Variants in PDXDC1 observed in about 807,000 individuals in gnomAD.
PDXDC1 encodes the protein pyridoxal dependent decarboxylase domain containing 1, also known as pyridoxal-dependent decarboxylase domain-containing protein 1.
In PDXDC1, 42 loss-of-function variants were observed where a neutral mutation model predicts 100.1. The ratio of observed to expected loss-of-function variants is 0.42; its 90% CI spans 0.33 to 0.54. The LOEUF (loss-of-function observed/expected upper bound fraction) is 0.54, where lower values mean the gene tolerates loss of function less well. Ranked by LOEUF, PDXDC1 falls within the 20% of genes least tolerant of loss-of-function variation. The pLI is 0.10. For synonymous variants in PDXDC1, 260 were observed against 371.7 expected, an observed-to-expected ratio of 0.70 and a Z score of 3.46; for missense variants, 636 against 979.2, an observed-to-expected ratio of 0.65 and a Z score of 4.68.
intron 16 of PDXDC1, among the ~76,000 whole-genome samples, chr16:15,078,433 C>T (rs2045555782): frequency 6.6e-6 from 1 of 152,092 alleles, no homozygotes. Context: ...CCACCATCCA[C>T]ATCCTCTCCC....
chr16:15,053,427 G>A (rs192813559), intron 16 of PDXDC1, among the ~76,000 whole-genome samples: 10 of 152,208 alleles, frequency 6.6e-5, no homozygotes, highest in Admixed American at 5.2e-4. Flanking sequence ...AGAACACATC[G>A]TTACATGAAA....
intron 16 of PDXDC1, among the ~76,000 whole-genome samples, chr16:15,089,686 G>C (rs1399416179): frequency 6.8e-6 from 1 of 147,780 alleles, no homozygotes; most frequent in African/African-American, 2.5e-5. Context: ...TGTAGTCTCA[G>C]CTACTTGGGA....
At chr16:15,047,854 C>G (rs2044138333) in intron 16 of PDXDC1, 1 of 1,609,384 alleles carries the variant, frequency 6.2e-7, no homozygotes, top group Non-Finnish European at 8.5e-7. Flanking sequence ...TCTCATCATA[C>G]CTGTGTGCCT....
Position 15,036,316 on chromosome 16 carries a change from AG to A in PDXDC1, c.*44del. On this transcript the variant is annotated 3_prime_UTR_variant, in exon 23 of 23. Transcript: ENST00000396410. The stretch of plus-strand genomic sequence containing the variant: ...TTGAGACTGTACTGAGTATTGTTTC[AG>A]GGAAGATGAAGTTCTATTGGAAATG... 1 of 1,538,724 alleles carries A rather than the reference AG, an allele frequency of 6.5e-7. No homozygotes were observed. The highest frequency in any genetic ancestry group is 8.9e-7 in the Non-Finnish European group (1 of 1,128,396).
chr16:15,098,078 G>A (rs995892534), intron 16 of PDXDC1, among the ~76,000 whole-genome samples: 1 of 150,264 alleles, frequency 6.7e-6, no homozygotes, highest in African/African-American at 2.5e-5. Flanking sequence ...CGACCAGCCT[G>A]AATATTCTTG....
rs1301849979 is a variant in PDXDC1 at position 15,005,597 on chromosome 16, C to T, written c.390-797C>T. Among the ~76,000 whole-genome samples, 3 of 152,416 alleles carry T rather than the reference C, an allele frequency of 2.0e-5. No individual in the cohort carries two copies. In the East Asian group the frequency reaches 5.8e-4, roughly 29 times the overall value. ...CCAACTTTATTAAAGGAGCAGTGTTCTGTTGTTCTAGTAAAAATCTACTGC... is the reference window on the plus strand; with the variant it reads ...CCAACTTTATTAAAGGAGCAGTGTTTTGTTGTTCTAGTAAAAATCTACTGC... On this transcript the variant is annotated intron_variant, in intron 5 of 22. Transcript: ENST00000396410.
chr16:15,130,898 A>G (rs1255092625), intron 16 of PDXDC1: 10 of 720,268 alleles, frequency 1.4e-5, no homozygotes, highest in Admixed American at 2.2e-5. Context: ...CTGAAAGGCC[A>G]TAGGAGCCTC....
In PDXDC1 at chr16:15,031,784, A is replaced by G; in HGVS notation, c.1449A>G (p.Glu483=). 1 of 1,613,886 alleles carries G rather than the reference A, an allele frequency of 6.2e-7. No homozygotes were observed. Among genetic ancestry groups the G allele is most frequent in the Non-Finnish European group, 8.5e-7 (1 of 1,179,884 alleles). ...EDVDQLVACI[E]SKLPVLCCTL... ...TGGATCAGCTCGTAGCCTGCATAGA[A>G]AGCAAACTGCCAGTGCTGTGCTGTA... The change falls in exon 17 of 23, where the codon GAA becomes GAG. Residue 483 remains glutamate, a synonymous_variant. Coordinates refer to ENST00000396410, the MANE Select transcript of PDXDC1 (RefSeq NM_015027.4).
In PDXDC1 at chr16:15,083,411, G is replaced by A. The variant is rs184270999; in HGVS notation, c.1399+53355G>A. On this transcript the variant is annotated intron_variant, in intron 16 of 16. Coordinates refer to the PDXDC1 transcript ENST00000535621. ...GAGACTCGGTCTCAAAAAAGAAAAA[G>A]AAAAAGAAAGACTGGAAAAGAAAGA... 9.9e-4 allele frequency: 1,510 copies of A among 1,530,670 alleles called. 14 individuals are homozygous for A. In the African/African-American group the frequency reaches 0.018, roughly 18 times the overall value. 94.8% of individuals were successfully genotyped at this position (1,530,670 alleles called of 1,614,324 possible).
chr16:15,128,305 T>A (rs770620500), intron 16 of PDXDC1: 4 of 1,610,156 alleles, frequency 2.5e-6, no homozygotes, highest in Non-Finnish European at 3.4e-6. Context: ...GCTGTTGCGG[T>A]GGAAGGCTCT....
At chr16:15,128,807 ATT>A (rs965267518) in intron 16 of PDXDC1, among the ~76,000 whole-genome samples, 18 of 140,842 alleles carry the variant, frequency 1.3e-4, no homozygotes, top group Admixed American at 2.2e-4. Flanking sequence ...AGGTGACAGT[ATT>A]TTTTTTTTTT....
intron 16 of PDXDC1, among the ~76,000 whole-genome samples, chr16:15,062,639 G>T (rs1457521264): frequency 1.3e-5 from 2 of 152,152 alleles, no homozygotes; most frequent in African/African-American, 2.4e-5. Context: ...AACTGCTGGG[G>T]CAATTTCAAC....
In PDXDC1 at chr16:15,085,488, A is replaced by T; in HGVS notation, c.1400-53391A>T. On this transcript the variant is annotated intron_variant, in intron 16 of 16. Coordinates refer to the PDXDC1 transcript ENST00000535621. ...TTTTTTAAGAAAATATTTGAAAAAA[A>T]ATGTTTTTTTGCAGAGACAAGGTCT... 5.5e-6 allele frequency: 5 copies of T among 903,808 alleles called. No individual in the cohort carries two copies. The South Asian group carries it at 9.0e-5, about 16-fold the overall frequency. The allele number at this position is 903,808 out of a possible 1,614,324, so 56.0% of individuals were successfully genotyped here. A position where few individuals can be genotyped will look rare whatever the true frequency, so the allele number is the denominator to read the frequency against.
intron 16 of PDXDC1, among the ~76,000 whole-genome samples, chr16:15,064,607 A>G (rs1332346557): frequency 6.6e-6 from 1 of 152,238 alleles, no homozygotes; most frequent in Non-Finnish European, 1.5e-5. Context: ...CATTATCCCC[A>G]TTAACCTTAC....
chr16:14,991,005 G>A (rs1225944617), intron 1 of PDXDC1, among the ~76,000 whole-genome samples: 3 of 152,286 alleles, frequency 2.0e-5, no homozygotes, highest in Non-Finnish European at 4.4e-5. Context: ...GCCTCCCAAC[G>A]TGCTGGGATT....
chr16:15,083,491 T>C (rs1444816670), intron 16 of PDXDC1: 9 of 1,608,202 alleles, frequency 5.6e-6, no homozygotes, highest in Non-Finnish European at 5.1e-6. Flanking sequence ...TCCATGATGT[T>C]CTCAATGAAA....
At chr16:14,986,387 T>C (rs1597301433) in intron 1 of PDXDC1, among the ~76,000 whole-genome samples, 1 of 152,278 alleles carries the variant, frequency 6.6e-6, no homozygotes, top group East Asian at 1.9e-4. Flanking sequence ...CAGAATCACT[T>C]GAACCCGGGA....
intron 16 of PDXDC1, among the ~76,000 whole-genome samples, chr16:15,067,264 T>C (rs2045019635): frequency 6.6e-6 from 1 of 151,218 alleles, no homozygotes; most frequent in African/African-American, 2.4e-5. Context: ...CATTGAATAT[T>C]CAATTCTCCA....
intron 1 of PDXDC1, among the ~76,000 whole-genome samples, chr16:14,984,841 GA>G (rs1468429770): frequency 1.3e-5 from 2 of 152,222 alleles, no homozygotes; most frequent in Non-Finnish European, 2.9e-5. Context: ...TTTAACTGAG[GA>G]AAAGTGTTGA....
Sources: allele counts gnomAD v4.1 joint callset (sites outside exome capture counted in the v4.1 genomes callset), GRCh38; gene constraint gnomAD v4.1.1; transcripts MANE v1.5; gene names NCBI Gene and HGNC (gene_info 2026-07-23, HGNC 2026-07-21).